FRMD4A: variants seen among roughly 807,000 people sequenced by gnomAD.
FRMD4A encodes the protein FERM domain-containing protein 4A.
A neutral mutation model predicts 129.1 loss-of-function variants in FRMD4A; 29 were observed. The ratio of observed to expected loss-of-function variants is 0.22; its 90% CI spans 0.17 to 0.31. The LOEUF (loss-of-function observed/expected upper bound fraction) is 0.31. FRMD4A is among the 10% of genes least tolerant of loss of function. The pLI is 1.00. For synonymous variants in FRMD4A, 634 were observed against 571.6 expected, an observed-to-expected ratio of 1.11 and a Z score of -1.56; for missense variants, 1,272 against 1,375.8, an observed-to-expected ratio of 0.92 and a Z score of 1.19.
intron 2 of FRMD4A, among the ~76,000 whole-genome samples, chr10:14,013,577 C>A (rs1448389301): frequency 6.6e-6 from 1 of 152,138 alleles, no homozygotes; most frequent in Non-Finnish European, 1.5e-5. Flanking sequence ...AGCAAAAAAC[C>A]CACAAGGCAC....
intron 3 of FRMD4A, among the ~76,000 whole-genome samples, chr10:13,838,996 T>TTTA (rs1248692926): frequency 6.9e-6 from 1 of 144,464 alleles, no homozygotes; most frequent in East Asian, 2.0e-4. Context: ...ATTTCCTTTT[T>TTTA]TTTTTTTTTT....
At chr10:13,812,427 C>A (rs988812339) in intron 3 of FRMD4A, among the ~76,000 whole-genome samples, 1 of 152,188 alleles carries the variant, frequency 6.6e-6, no homozygotes, top group African/African-American at 2.4e-5. Context: ...GTGGCCCTCA[C>A]CAGGAGCTAA....
At chr10:13,787,241 T>C (rs921398107) in intron 5 of FRMD4A, among the ~76,000 whole-genome samples, 6 of 152,198 alleles carry the variant, frequency 3.9e-5, no homozygotes, top group African/African-American at 9.6e-5. Flanking sequence ...GCTCCGGGCC[T>C]GTCATATCAT....
In FRMD4A at chr10:14,106,515, C is replaced by A. The variant is rs995575121; in HGVS notation, c.45+223543G>T. ...ATTTTCTTTTAAGTATAAATTAAGT[C>A]ATACATTTATGCTGGTATTTCCATT... On this transcript the variant is annotated intron_variant, in intron 2 of 24. Coordinates refer to ENST00000357447, the MANE Select transcript of FRMD4A (RefSeq NM_018027.5). Among the ~76,000 whole-genome samples, 3 of 152,144 alleles carry A rather than the reference C, an allele frequency of 2.0e-5. No homozygotes were observed. In the East Asian group the frequency reaches 5.8e-4, roughly 29 times the overall value.
chr10:13,824,187 A>G (rs546697060), intron 3 of FRMD4A, among the ~76,000 whole-genome samples: 2 of 152,206 alleles, frequency 1.3e-5, no homozygotes, highest in Admixed American at 6.5e-5. Flanking sequence ...CTTAAAAACA[A>G]AAAAACCAGG....
chr10:14,125,441 C>A (rs1450694934), intron 2 of FRMD4A, among the ~76,000 whole-genome samples: 1 of 152,102 alleles, frequency 6.6e-6, no homozygotes, highest in Non-Finnish European at 1.5e-5. Flanking sequence ...ACACAGTCAC[C>A]CTGCCAAGCA....
intron 2 of FRMD4A, among the ~76,000 whole-genome samples, chr10:14,129,399 T>TATATAC (rs1839114906): frequency 7.5e-6 from 1 of 132,788 alleles, no homozygotes; most frequent in Admixed American, 7.3e-5. Context: ...TATATATATA[T>TATATAC]ATATATATAA....
At chr10:13,688,899 G>A (rs1189729254) in intron 15 of FRMD4A, among the ~76,000 whole-genome samples, 1 of 151,882 alleles carries the variant, frequency 6.6e-6, no homozygotes, top group Non-Finnish European at 1.5e-5. Context: ...TATATTTTTG[G>A]TAGAGACCGG....
At chr10:13,678,854 T>A (rs761817484) in intron 15 of FRMD4A, among the ~76,000 whole-genome samples, 1 of 152,224 alleles carries the variant, frequency 6.6e-6, no homozygotes, top group Non-Finnish European at 1.5e-5. Flanking sequence ...GGTAATCAGA[T>A]CAGGATAATT....
intron 2 of FRMD4A, among the ~76,000 whole-genome samples, chr10:14,170,110 C>G (rs1002489748): frequency 6.6e-6 from 1 of 152,264 alleles, no homozygotes; most frequent in African/African-American, 2.4e-5. Context: ...TACTAATTGC[C>G]CTAAGGAGCC....
At chr10:13,868,052 G>C (rs551438525) in intron 2 of FRMD4A, among the ~76,000 whole-genome samples, 2 of 149,716 alleles carry the variant, frequency 1.3e-5, no homozygotes, top group Non-Finnish European at 3.0e-5. Context: ...CCAGGAGTTC[G>C]AGACCAGCCT....
At chr10:14,186,652 C>A (rs1842154731) in intron 2 of FRMD4A, among the ~76,000 whole-genome samples, 2 of 152,148 alleles carry the variant, frequency 1.3e-5, no homozygotes, top group Admixed American at 1.3e-4. Flanking sequence ...AAGGACTAGA[C>A]CATGCATCCT....
At chr10:13,780,455 A>G (rs2400017) in intron 6 of FRMD4A, among the ~76,000 whole-genome samples, 102,648 of 152,026 alleles carry the variant, frequency 0.68, 35,051 homozygotes, top group East Asian at 0.86. Flanking sequence ...ACAAAAGGAG[A>G]CACTACAAGC....
chr10:14,044,147 G>A (rs17225017), intron 2 of FRMD4A, among the ~76,000 whole-genome samples: 2,172 of 152,270 alleles, frequency 0.014, 24 homozygotes, highest in South Asian at 0.024. Flanking sequence ...CATCTTTAAC[G>A]TCTCTGCTCT....
chr10:13,990,002 AC>A (rs1347901507), intron 2 of FRMD4A, among the ~76,000 whole-genome samples: 1 of 151,984 alleles, frequency 6.6e-6, no homozygotes, highest in Non-Finnish European at 1.5e-5. Context: ...TCTAGGTTAG[AC>A]CCCCATTTAG....
chr10:14,191,479 C>A (rs1842314868), intron 2 of FRMD4A, among the ~76,000 whole-genome samples: 1 of 152,186 alleles, frequency 6.6e-6, no homozygotes, highest in African/African-American at 2.4e-5. Flanking sequence ...TGTCTCATGA[C>A]CCCTGGTCTC....
chr10:13,723,407 C>T (rs2089622666), intron 12 of FRMD4A, among the ~76,000 whole-genome samples: 1 of 152,102 alleles, frequency 6.6e-6, no homozygotes, highest in Non-Finnish European at 1.5e-5. Context: ...TTCAAACTCA[C>T]AGAAACAGAA....
chr10:13,957,805 C>T (rs1436888857), intron 2 of FRMD4A, among the ~76,000 whole-genome samples: 1 of 152,154 alleles, frequency 6.6e-6, no homozygotes, highest in Admixed American at 6.5e-5. Flanking sequence ...CTTTCTGGCC[C>T]CTAAAACTCG....
intron 3 of FRMD4A, among the ~76,000 whole-genome samples, chr10:13,829,990 G>A (rs746724660): frequency 4.6e-4 from 70 of 152,224 alleles, no homozygotes; most frequent in Non-Finnish European, 6.2e-4. Flanking sequence ...GCACCTGATC[G>A]GATCCTAGCA....
Sources: allele counts gnomAD v4.1 joint callset (sites outside exome capture counted in the v4.1 genomes callset), GRCh38; gene constraint gnomAD v4.1.1; transcripts MANE v1.5; gene names NCBI Gene and HGNC (gene_info 2026-07-23, HGNC 2026-07-21).